The following PRKX variants were observed in gnomAD, a reference collection of about 807,000 sequenced individuals.
The protein encoded by PRKX is cAMP-dependent protein kinase catalytic subunit PRKX.
A neutral mutation model predicts 22.0 loss-of-function variants in PRKX; 12 were observed. That is an observed-to-expected ratio of 0.54 (90% CI 0.35 to 0.88). The LOEUF (loss-of-function observed/expected upper bound fraction) is 0.88, where lower values mean the gene tolerates loss of function less well. Ranked by LOEUF, PRKX falls within the 40% of genes least tolerant of loss-of-function variation. The probability of loss-of-function intolerance (pLI) is 0.01; values close to 1 mark genes in which losing one functional copy is unlikely to be tolerated. For synonymous variants in PRKX, 134 were observed against 137.7 expected, an observed-to-expected ratio of 0.97 and a Z score of 0.19; for missense variants, 217 against 308.0, an observed-to-expected ratio of 0.70 and a Z score of 2.21.
intron 2 of PRKX, among the ~76,000 whole-genome samples, chrX:3,661,587 C>A (rs1181731009): frequency 1.1e-5 from 1 of 94,554 alleles, no homozygotes; most frequent in African/African-American, 3.7e-5. Context: ...CAGAGCCAGA[C>A]CCTATCTGGA....
At chrX:3,686,330 C>T (rs1038440197) in intron 1 of PRKX, among the ~76,000 whole-genome samples, 6 of 110,417 alleles carry the variant, frequency 5.4e-5, no homozygotes, top group Non-Finnish European at 7.6e-5. Flanking sequence ...ATTGAAGACA[C>T]GTAGGCAGGT....
chrX:3,673,563 G>C (rs1927889942), intron 2 of PRKX, among the ~76,000 whole-genome samples: 1 of 110,752 alleles, frequency 9.0e-6, no homozygotes, highest in African/African-American at 3.3e-5. Flanking sequence ...AATCAGGGCA[G>C]AGAGACGGGA....
At chrX:3,698,580 G>A (rs764610688) in intron 1 of PRKX, among the ~76,000 whole-genome samples, 88 of 111,130 alleles carry the variant, frequency 7.9e-4, no homozygotes, top group African/African-American at 2.8e-3. Context: ...TTGTTTTTGT[G>A]TGTGTGTGTA....
chrX:3,620,834 G>A (rs1159475955), intron 6 of PRKX, among the ~76,000 whole-genome samples: 1 of 109,655 alleles, frequency 9.1e-6, no homozygotes, highest in Non-Finnish European at 1.9e-5. Context: ...ATTAACCACA[G>A]GGGTGGCTGT....
rs760791518 is a variant in PRKX, at chrX:3,607,317, C to G, written c.*1652G>C. The G allele has an allele frequency of 5.4e-5, 6 of 111,716 alleles. No homozygotes were observed. Among genetic ancestry groups the G allele is most frequent in the African/African-American group, 2.0e-4 (6 of 30,724 alleles). 9.2% of individuals were successfully genotyped at this position (111,716 alleles called of 1,213,427 possible). On this transcript the variant is annotated 3_prime_UTR_variant, in exon 9 of 9. Coordinates refer to ENST00000262848, the MANE Select transcript of PRKX (RefSeq NM_005044.5). The stretch of plus-strand genomic sequence containing the variant: ...TCCTCGCGCAGGGGGCCATGCTAAT[C>G]TCCTCTGTGTCATTCCAATTTTAGT...
chrX:3,632,425 G>C (rs777847134), intron 4 of PRKX, among the ~76,000 whole-genome samples: 2 of 110,997 alleles, frequency 1.8e-5, no homozygotes, highest in East Asian at 5.7e-4. Context: ...GTAGTTGGGG[G>C]AGTTGTATTC....
At chrX:3,694,400 A>T (rs1042476991) in intron 1 of PRKX, among the ~76,000 whole-genome samples, 2 of 110,029 alleles carry the variant, frequency 1.8e-5, no homozygotes, top group Admixed American at 9.7e-5. Flanking sequence ...AAAAAAATAA[A>T]AAATAAATAA....
rs1343647444 is a variant in PRKX, at chrX:3,640,169, G to A, written c.719+1683C>T. Among the ~76,000 whole-genome samples, 3 of 109,287 alleles carry A rather than the reference G, an allele frequency of 2.7e-5. No homozygotes were observed. In the East Asian group the frequency reaches 8.7e-4, roughly 32 times the overall value. The allele number at this position is 109,287 out of a possible 115,157, so 94.9% of individuals were successfully genotyped here. A position where few individuals can be genotyped will look rare whatever the true frequency, so the allele number is the denominator to read the frequency against. ...TGGTGTCTGTCTTTGAGACTCAGGG[G>A]CAAGCAGAAGAAAGAAGGAAACAGG... On this transcript the variant is annotated intron_variant, in intron 4 of 8. Transcript: ENST00000262848.
chrX:3,685,335 T>G (rs12397367), intron 1 of PRKX, among the ~76,000 whole-genome samples: 16,467 of 105,385 alleles, frequency 0.16, 1,978 homozygotes, highest in African/African-American at 0.39. Context: ...CTTCTCTCTT[T>G]CTCTCCTTCC....
intron 1 of PRKX, 29 bp downstream of exon 1, chrX:3,713,058 TG>T (rs1389748422): frequency 8.7e-7 from 1 of 1,146,947 alleles, no homozygotes; most frequent in Non-Finnish European, 1.2e-6. Context: ...CGCGCCCCTG[TG>T]GGCCGAGTCC....
At chrX:3,659,785 C>T (rs1368045143) in intron 2 of PRKX, among the ~76,000 whole-genome samples, 1 of 98,675 alleles carries the variant, frequency 1.0e-5, no homozygotes, top group Non-Finnish European at 2.0e-5. Context: ...AGTGCAATGG[C>T]ACGATCTTGG....
Position 3,616,630 on chromosome X carries a change from C to T in PRKX, c.874-738G>A, listed in dbSNP as rs146847413. ...GAAGCCAGTACATCTGAATTTAACG[C>T]GTCTATCAGTTAGCATTACTGTAGT... is the stretch of plus-strand genomic sequence containing the variant. On this transcript the variant is annotated intron_variant, in intron 6 of 8. Transcript: ENST00000262848. Among the ~76,000 whole-genome samples, 864 of 112,126 alleles carry T rather than the reference C, an allele frequency of 7.7e-3. 8 individuals are homozygous for T. The highest frequency in any genetic ancestry group is 0.027 in the African/African-American group (825 of 30,919).
chrX:3,682,644 G>A (rs1002604119), intron 1 of PRKX, among the ~76,000 whole-genome samples: 17 of 112,104 alleles, frequency 1.5e-4, no homozygotes, highest in Admixed American at 1.9e-4. Context: ...GGAAGGCCAC[G>A]TGGAGAAAGA....
intron 8 of PRKX, among the ~76,000 whole-genome samples, chrX:3,609,505 G>A (rs887881160): frequency 4.5e-5 from 5 of 111,059 alleles, no homozygotes; most frequent in African/African-American, 1.6e-4. Context: ...CATCCAGGCC[G>A]GAGTACAGGC....
At chrX:3,665,891 G>T (rs779767828) in intron 2 of PRKX, among the ~76,000 whole-genome samples, 1 of 103,674 alleles carries the variant, frequency 9.6e-6, no homozygotes, top group East Asian at 3.1e-4. Flanking sequence ...CAGAGTTTCA[G>T]TTGGGGAAGA....
intron 1 of PRKX, among the ~76,000 whole-genome samples, chrX:3,697,819 G>C (rs2146609379): frequency 8.9e-6 from 1 of 111,997 alleles, no homozygotes; most frequent in Admixed American, 9.5e-5. Flanking sequence ...GCAAAATGCT[G>C]GGATGACAGG....
At chrX:3,654,615 C>G (rs1178030880) in intron 3 of PRKX, among the ~76,000 whole-genome samples, 1 of 106,567 alleles carries the variant, frequency 9.4e-6, no homozygotes, top group South Asian at 4.1e-4. Context: ...GCTGGGACTA[C>G]AGGGATCCAC....
chrX:3,681,210 C>T (rs1429065176), intron 1 of PRKX, among the ~76,000 whole-genome samples: 2 of 109,642 alleles, frequency 1.8e-5, no homozygotes, highest in Non-Finnish European at 3.8e-5. Context: ...GGTGAGATCC[C>T]TATCTCTACG....
At position 3,666,911 on chromosome X, in the gene PRKX, TAAAA is replaced by T. The variant is rs35951668; in HGVS notation, c.335+7683_335+7686del. 2.9e-3 allele frequency among the ~76,000 whole-genome samples: 188 copies of T among 65,780 alleles called. 1 individual carries two copies. Among genetic ancestry groups the T allele is most frequent in the Non-Finnish European group, 3.5e-3 (127 of 36,726 alleles). The allele number at this position is 65,780 out of a possible 115,157, so 57.1% of individuals were successfully genotyped here. On this transcript the variant is annotated intron_variant, in intron 2 of 8. Coordinates refer to ENST00000262848, the MANE Select transcript of PRKX (RefSeq NM_005044.5). ...CAACAGAGCAAGACCTCATTTCTTTTAAAAAAAAAAAAAAAAAAAAAGGAAGTTA... is the reference window on the plus strand; with the variant it reads ...CAACAGAGCAAGACCTCATTTCTTTTAAAAAAAAAAAAAAAAAGGAAGTTA...
Sources: gnomAD v4.1 joint callset for allele counts (sites outside exome capture counted in the v4.1 genomes callset) on GRCh38, gnomAD v4.1.1 for gene constraint, MANE v1.5 for transcripts, NCBI Gene and HGNC (gene_info 2026-07-23, HGNC 2026-07-21) for gene names.